Variants in FAM135B observed in about 807,000 individuals in gnomAD.
FAM135B encodes family with sequence similarity 135 member B, also known as protein FAM135B.
A neutral mutation model predicts 127.7 loss-of-function variants in FAM135B; 43 were observed. The observed-to-expected ratio is 0.34, with a 90% CI of 0.26 to 0.43. The LOEUF (loss-of-function observed/expected upper bound fraction) is 0.43, where lower values mean the gene tolerates loss of function less well. FAM135B is among the 20% of genes least tolerant of loss of function. FAM135B has a pLI of 1.00. For synonymous variants in FAM135B, 670 were observed against 665.1 expected (o/e 1.01, Z -0.11); for missense variants, 1,558 against 1,725.6 (o/e 0.90, Z 1.72).
intron 1 of FAM135B, among the ~76,000 whole-genome samples, chr8:138,490,455 C>T (rs1233208715): frequency 6.6e-6 from 1 of 152,184 alleles, no homozygotes; most frequent in African/African-American, 2.4e-5. Context: ...TGGAAGAGGG[C>T]ATGCCTGGTT....
chr8:138,433,235 T>A (rs1835288739), intron 1 of FAM135B, among the ~76,000 whole-genome samples: 1 of 152,106 alleles, frequency 6.6e-6, no homozygotes, highest in Non-Finnish European at 1.5e-5. Flanking sequence ...AAAAAGATTA[T>A]TAAGGCCGGG....
intron 3 of FAM135B, among the ~76,000 whole-genome samples, chr8:138,288,724 T>C (rs1371468848): frequency 6.6e-6 from 1 of 152,080 alleles, no homozygotes; most frequent in Non-Finnish European, 1.5e-5. Context: ...GAAGAAAGAG[T>C]ACAAGCAGAT....
In FAM135B at chr8:138,447,280, T is replaced by C. The variant is rs577328687; in HGVS notation, c.-20+49391A>G. Among the ~76,000 whole-genome samples, 313 of 152,258 alleles carry C rather than the reference T, an allele frequency of 2.1e-3. 1 individual carries two copies. The highest frequency in any genetic ancestry group is 7.1e-3 in the African/African-American group (297 of 41,552). ...CAGGGATCTAGAACTAGAAATACCA[T>C]TTGACCCAGCCATCCCATTACTGGG... On this transcript the variant is annotated intron_variant, in intron 1 of 19. Transcript: ENST00000395297.
intron 2 of FAM135B, among the ~76,000 whole-genome samples, chr8:138,349,019 CAGG>C (rs1358346668): frequency 1.3e-5 from 2 of 152,236 alleles, no homozygotes; most frequent in African/African-American, 4.8e-5. Flanking sequence ...AATGGGCAGG[CAGG>C]AGGTCATCCA....
At chr8:138,319,441 T>C (rs1196090821) in intron 2 of FAM135B, among the ~76,000 whole-genome samples, 2 of 152,202 alleles carry the variant, frequency 1.3e-5, no homozygotes, top group Non-Finnish European at 2.9e-5. Flanking sequence ...AGCCATCTCC[T>C]ACTACCTGGG....
intron 1 of FAM135B, among the ~76,000 whole-genome samples, chr8:138,393,689 C>T (rs1441000797): frequency 1.3e-5 from 2 of 152,156 alleles, no homozygotes; most frequent in Non-Finnish European, 2.9e-5. Context: ...GTTTACTTTC[C>T]TGCCCTCACG....
intron 14 of FAM135B, 103 bp from the exon 15 acceptor site, chr8:138,146,153 G>C (rs1366004864): frequency 3.1e-6 from 2 of 649,738 alleles, no homozygotes; most frequent in Non-Finnish European, 5.5e-6. Flanking sequence ...CATTTCTACT[G>C]GGTTTTGTCA....
chr8:138,280,912 A>G (rs1824215645), intron 3 of FAM135B, among the ~76,000 whole-genome samples: 1 of 152,070 alleles, frequency 6.6e-6, no homozygotes, highest in South Asian at 2.1e-4. Flanking sequence ...AGACACAGTG[A>G]GTCATCATGC....
At chr8:138,174,292 T>C (rs961342460) in intron 11 of FAM135B, among the ~76,000 whole-genome samples, 3 of 152,200 alleles carry the variant, frequency 2.0e-5, no homozygotes, top group Non-Finnish European at 4.4e-5. Flanking sequence ...TCACCTACAT[T>C]GCCTCATGTC....
At chr8:138,307,976 G>T (rs1826388321) in intron 3 of FAM135B, among the ~76,000 whole-genome samples, 2 of 152,074 alleles carry the variant, frequency 1.3e-5, no homozygotes, top group African/African-American at 2.4e-5. Context: ...AAATAGGACT[G>T]CCAGAGTTTC....
chr8:138,260,142 T>C (rs1822435432), intron 4 of FAM135B, among the ~76,000 whole-genome samples: 1 of 152,202 alleles, frequency 6.6e-6, no homozygotes, highest in African/African-American at 2.4e-5. Context: ...CAGAAGTTTA[T>C]TACCCACAAA....
At chr8:138,228,192 C>T (rs1819620401) in intron 7 of FAM135B, among the ~76,000 whole-genome samples, 1 of 152,096 alleles carries the variant, frequency 6.6e-6, no homozygotes, top group African/African-American at 2.4e-5. Flanking sequence ...CAAGTCTATC[C>T]CTTTTGGACC....
chr8:138,278,942 T>C (rs1302924103), intron 3 of FAM135B, among the ~76,000 whole-genome samples: 1 of 152,176 alleles, frequency 6.6e-6, no homozygotes, highest in Non-Finnish European at 1.5e-5. Flanking sequence ...TCCTTGACTT[T>C]TGGGGAGAAG....
At position 138,265,829 on chromosome 8, in the gene FAM135B, C is replaced by T. The variant is rs370518934; in HGVS notation, c.171G>A (p.Leu57=). 14 of 1,613,452 alleles carry T rather than the reference C, an allele frequency of 8.7e-6. No individual in the cohort carries two copies. In the African/African-American group the frequency reaches 1.7e-4, roughly 20 times the overall value. The change falls in exon 4 of 20, where the codon CTG becomes CTA. Residue 57 remains leucine, a synonymous_variant. Transcript: ENST00000395297. ...SIAGQTESSS[L]HSACVHDSTV... is the part of the protein sequence containing the mutation. ...TGCTGTCATGGACACAGGCTGAATG[C>T]AGGCTGCTGCTCTCTGCAAAACAAG...
chr8:138,350,131 A>G (rs1289669946), intron 2 of FAM135B, among the ~76,000 whole-genome samples: 1 of 152,180 alleles, frequency 6.6e-6, no homozygotes, highest in African/African-American at 2.4e-5. Flanking sequence ...CCCAAATCCC[A>G]GTCCCCAAGC....
At chr8:138,240,976 G>A (rs1296271670) in intron 7 of FAM135B, among the ~76,000 whole-genome samples, 1 of 152,182 alleles carries the variant, frequency 6.6e-6, no homozygotes, top group African/African-American at 2.4e-5. Context: ...AGTAGATTCT[G>A]ACGTTCTGAG....
At chr8:138,170,217 C>CTTTTTT (rs141401317) in intron 11 of FAM135B, among the ~76,000 whole-genome samples, 2 of 112,062 alleles carry the variant, frequency 1.8e-5, no homozygotes, top group African/African-American at 6.9e-5. Flanking sequence ...CTGTTACTAT[C>CTTTTTT]TTTTTTTTTT....
chr8:138,348,211 C>T lies in FAM135B; in HGVS notation c.77+19696G>A, dbSNP rs558122230. Among the ~76,000 whole-genome samples, 114 of 143,330 alleles carry T rather than the reference C, an allele frequency of 8.0e-4. 2 individuals are homozygous for T. The highest frequency in any genetic ancestry group is 1.9e-3 in the Admixed American group (26 of 13,612). The allele number at this position is 143,330 out of a possible 152,430, so 94.0% of individuals were successfully genotyped here. A position where few individuals can be genotyped will look rare whatever the true frequency, so the allele number is the denominator to read the frequency against. On this transcript the variant is annotated intron_variant, in intron 2 of 19. Coordinates refer to ENST00000395297, the MANE Select transcript of FAM135B (RefSeq NM_015912.4). ...GTGCAATGGCTCCATCTCGGCTCAC[C>T]GCAACCTCCACTTCCCAGGTTCAAG...
rs562005349 is a variant in FAM135B, at chr8:138,454,226, G to A, written c.-20+42445C>T. On this transcript the variant is annotated intron_variant, in intron 1 of 19. Transcript: ENST00000395297. The stretch of plus-strand genomic sequence containing the variant: ...GCCTAAGTGTTTAAGCCATGGACTT[G>A]GCCAAGGTTCTCTTCAAAGGCCAAT... 3.9e-5 allele frequency among the ~76,000 whole-genome samples: 6 copies of A among 152,214 alleles called. No individual in the cohort carries two copies. The East Asian group carries it at 1.2e-3, about 29-fold the overall frequency.
Sources: allele counts gnomAD v4.1 joint callset (sites outside exome capture counted in the v4.1 genomes callset), GRCh38; gene constraint gnomAD v4.1.1; transcripts MANE v1.5; gene names NCBI Gene and HGNC (gene_info 2026-07-23, HGNC 2026-07-21).